PCDHGA9: variants seen among roughly 807,000 people sequenced by gnomAD.
PCDHGA9 encodes the protein protocadherin gamma-A9.
In PCDHGA9, 37 loss-of-function variants were observed where a neutral mutation model predicts 62.5. The observed-to-expected ratio is 0.59, with a 90% CI of 0.46 to 0.78. The LOEUF is 0.78. Among genes scored for constraint, PCDHGA9 ranks in the 30% least tolerant of loss-of-function variants. The probability of loss-of-function intolerance (pLI) is 0.00; values close to 1 mark genes in which losing one functional copy is unlikely to be tolerated. For synonymous variants in PCDHGA9, 459 were observed against 484.6 expected (o/e 0.95, Z 0.69); for missense variants, 1,138 against 1,166.2 (o/e 0.98, Z 0.35).
intron 1 of PCDHGA9, among the ~76,000 whole-genome samples, chr5:141,426,098 A>T (rs144349682): frequency 6.6e-6 from 1 of 152,356 alleles, no homozygotes; most frequent in Non-Finnish European, 1.5e-5. Flanking sequence ...TATTCTGTTC[A>T]GTCACAGAAG....
intron 1 of PCDHGA9, among the ~76,000 whole-genome samples, chr5:141,455,428 GA>G (rs2098822635): frequency 6.6e-6 from 1 of 152,176 alleles, no homozygotes; most frequent in Non-Finnish European, 1.5e-5. Context: ...GGCTCCAAAA[GA>G]GGAGGTCCCC....
chr5:141,420,287 A>C, intron 1 of PCDHGA9: 1 of 1,498,884 alleles, frequency 6.7e-7, no homozygotes, highest in African/African-American at 1.4e-5. Context: ...AAGTATTTAA[A>C]AATGTATTTA....
At chr5:141,430,405 A>T (rs1163049877) in intron 1 of PCDHGA9, among the ~76,000 whole-genome samples, 1 of 152,124 alleles carries the variant, frequency 6.6e-6, no homozygotes, top group Non-Finnish European at 1.5e-5. Flanking sequence ...AAGCTCACTA[A>T]AGTTTCTATT....
At position 141,414,415 on chromosome 5, in the gene PCDHGA9, C is replaced by T. The variant is rs769791452; in HGVS notation, c.2424+9039C>T. ...TTACAGATTGGTGATACACAGAGCC[C>T]TTGACAGGGAACAGGTATCCTCTTA... On this transcript the variant is annotated intron_variant, in intron 1 of 3. Coordinates refer to ENST00000573521, the MANE Select transcript of PCDHGA9 (RefSeq NM_018921.3). The T allele has an allele frequency of 2.5e-6, 4 of 1,613,758 alleles. No individual in the cohort carries two copies. Among genetic ancestry groups the T allele is most frequent in the Non-Finnish European group, 8.5e-7 (1 of 1,179,880 alleles).
Position 141,432,563 on chromosome 5 carries a change from G to T in PCDHGA9, c.2424+27187G>T. 2 of 1,613,912 alleles carry T rather than the reference G, an allele frequency of 1.2e-6. No homozygotes were observed. Among genetic ancestry groups the T allele is most frequent in the Non-Finnish European group, 1.7e-6 (2 of 1,179,996 alleles). The stretch of plus-strand genomic sequence containing the variant: ...GGTGGACAGAGACTCCGGCCAGAAC[G>T]CCTGGCTGTCCTACCGTCTGCTCAA... On this transcript the variant is annotated intron_variant, in intron 1 of 3. Transcript: ENST00000573521. The surrounding 1 kb of genome is among the most constrained non-coding windows in gnomAD (Gnocchi z 6.0).
chr5:141,429,573 T>G (rs1026656206), intron 1 of PCDHGA9, among the ~76,000 whole-genome samples: 3 of 152,206 alleles, frequency 2.0e-5, no homozygotes, highest in Non-Finnish European at 4.4e-5. Context: ...TCAGTTACAT[T>G]TACTTTTGAT....
chr5:141,485,070 G>A lies in PCDHGA9; in HGVS notation c.2425-9737G>A. On this transcript the variant is annotated intron_variant, in intron 1 of 3. Coordinates refer to ENST00000573521, the MANE Select transcript of PCDHGA9 (RefSeq NM_018921.3). The surrounding 1 kb of genome is among the most constrained non-coding windows in gnomAD (Gnocchi z 5.7). ...CGCCGGCCGAACCGCGCCAGAGCTG[G>A]CGCGGGGAAAGGGAGATAGGTGTCT... is the stretch of plus-strand genomic sequence containing the variant. The A allele has an allele frequency of 1.1e-6, 1 of 908,406 alleles. No individual in the cohort carries two copies. Among genetic ancestry groups the A allele is most frequent in the Non-Finnish European group, 1.7e-6 (1 of 580,008 alleles). 56.3% of individuals were successfully genotyped at this position (908,406 alleles called of 1,614,324 possible). A position where few individuals can be genotyped will look rare whatever the true frequency, so the allele number is the denominator to read the frequency against.
rs368800698 is a variant in PCDHGA9, at chr5:141,405,118, G to A, written c.2166G>A (p.Ser722=). The A allele has an allele frequency of 1.1e-5, 18 of 1,613,946 alleles. No homozygotes were observed. The East Asian group carries it at 1.8e-4, about 16-fold the overall frequency. ...TCAGGCTGAGGCACTGGCACTCCTCGCATCTGCTGCGGGCTACCAGTGATG... is the reference window on the plus strand; with the variant it reads ...TCAGGCTGAGGCACTGGCACTCCTCACATCTGCTGCGGGCTACCAGTGATG... ...LALRLRHWHS[S]HLLRATSDGL... The change falls in exon 1 of 4, where the codon TCG becomes TCA. Residue 722 remains serine (S), a synonymous_variant. Transcript: ENST00000573521.
chr5:141,502,884 A>T (rs2099816871), intron 2 of PCDHGA9, among the ~76,000 whole-genome samples: 1 of 36,804 alleles, frequency 2.7e-5, no homozygotes, highest in African/African-American at 3.5e-4. Context: ...TTTTTTTGAC[A>T]GGGAGTCTAG....
In PCDHGA9 at chr5:141,408,807, G is replaced by A. The variant is rs372007066; in HGVS notation, c.2424+3431G>A. On this transcript the variant is annotated intron_variant, in intron 1 of 3. Transcript: ENST00000573521. ...TTATCTCTGGAGAAACTCCTAGACCGGGAAGAACAGAGATCTCATAGCTTG... is the reference window on the plus strand; with the variant it reads ...TTATCTCTGGAGAAACTCCTAGACCAGGAAGAACAGAGATCTCATAGCTTG... 1.2e-5 allele frequency: 20 copies of A among 1,612,986 alleles called. No homozygotes were observed. Among genetic ancestry groups the A allele is most frequent in the Middle Eastern group, 1.6e-4 (1 of 6,084 alleles).
At chr5:141,457,940 T>G (rs541807221) in intron 1 of PCDHGA9, among the ~76,000 whole-genome samples, 2 of 152,356 alleles carry the variant, frequency 1.3e-5, no homozygotes, top group East Asian at 3.9e-4. Flanking sequence ...TTTTATTGGC[T>G]CTGCATGTCA....
intron 1 of PCDHGA9, chr5:141,421,806 A>C (rs1027166084): frequency 4.3e-6 from 7 of 1,613,724 alleles, no homozygotes; most frequent in Non-Finnish European, 5.1e-6. Flanking sequence ...CCAAGAATCC[A>C]GAGCTAGTAC....
In PCDHGA9 at chr5:141,405,384, CA is replaced by C; in HGVS notation, c.2424+9del. The C allele has an allele frequency of 1.9e-6, 3 of 1,600,664 alleles. No individual in the cohort carries two copies. Among genetic ancestry groups the C allele is most frequent in the Non-Finnish European group, 2.6e-6 (3 of 1,174,696 alleles). On this transcript the variant is annotated intron_variant, in intron 1 of 3. Coordinates refer to ENST00000573521, the MANE Select transcript of PCDHGA9 (RefSeq NM_018921.3). ...GACACCCCTTTGGTTCCGGTGAGTT[CA>C]TTTTTTTTCTTTCTTTCTTTTCTTT...
intron 1 of PCDHGA9, chr5:141,426,664 A>G (rs886265350): frequency 2.3e-6 from 1 of 429,248 alleles, no homozygotes; most frequent in Admixed American, 2.5e-5. Flanking sequence ...GATATAAATG[A>G]TAACCCACCT....
intron 1 of PCDHGA9, chr5:141,422,759 A>G (rs2096670710): frequency 6.2e-7 from 1 of 1,613,252 alleles, no homozygotes; most frequent in Non-Finnish European, 8.5e-7. Flanking sequence ...ATTAACTCCA[A>G]CACTGGTGTT....
rs554661873 is a variant in PCDHGA9, at chr5:141,487,723, T to C, written c.2425-7084T>C. ...GCCTCTCAGTAAGTGCCCATAGTGATGTCACCATTTTTGTAAGAGGTAACT... is the reference window on the plus strand; with the variant it reads ...GCCTCTCAGTAAGTGCCCATAGTGACGTCACCATTTTTGTAAGAGGTAACT... On this transcript the variant is annotated intron_variant, in intron 1 of 3. Transcript: ENST00000573521. The surrounding 1 kb of genome is among the most constrained non-coding windows in gnomAD (Gnocchi z 5.0). The C allele has an allele frequency of 2.6e-5, 41 of 1,574,932 alleles. No homozygotes were observed. Among genetic ancestry groups the C allele is most frequent in the Non-Finnish European group, 5.2e-6 (6 of 1,158,382 alleles).
chr5:141,455,143 T>C (rs984886337), intron 1 of PCDHGA9, among the ~76,000 whole-genome samples: 1 of 149,894 alleles, frequency 6.7e-6, no homozygotes, highest in Non-Finnish European at 1.5e-5. Flanking sequence ...CTGTGTTAAA[T>C]AAATATTAGT....
intron 1 of PCDHGA9, chr5:141,409,119 C>A: frequency 6.2e-7 from 1 of 1,613,928 alleles, no homozygotes; most frequent in Non-Finnish European, 8.5e-7. Flanking sequence ...AATAACCAGT[C>A]ATTTGATTTT....
At chr5:141,405,659 G>T (rs867774573) in intron 1 of PCDHGA9, among the ~76,000 whole-genome samples, 1 of 152,106 alleles carries the variant, frequency 6.6e-6, no homozygotes, top group East Asian at 1.9e-4. Flanking sequence ...TGTGTTTTTA[G>T]TAGAGACGGG....
Sources: gnomAD v4.1 joint callset for allele counts (sites outside exome capture counted in the v4.1 genomes callset) on GRCh38, gnomAD v4.1.1 for gene constraint, Gnocchi (gnomAD v3.1) non-coding constraint, MANE v1.5 for transcripts, NCBI Gene and HGNC (gene_info 2026-07-23, HGNC 2026-07-21) for gene names.